APBB1: variants seen among roughly 807,000 people sequenced by gnomAD.
The protein encoded by APBB1 is adaptor protein FE65a2.
Under a neutral mutation model 78.4 loss-of-function variants are expected in APBB1, and 22 were observed. The ratio of observed to expected loss-of-function variants is 0.28; its 90% CI spans 0.20 to 0.40. APBB1 has a LOEUF of 0.40. Ranked by LOEUF, APBB1 falls within the 10% of genes least tolerant of loss-of-function variation. APBB1 has a pLI of 1.00. For synonymous variants in APBB1, 369 were observed against 372.7 expected (o/e 0.99, Z 0.12); for missense variants, 749 against 932.4 (o/e 0.80, Z 2.56).
At chr11:6,407,865 C>G (rs1184610382) in intron 2 of APBB1, among the ~76,000 whole-genome samples, 1 of 151,292 alleles carries the variant, frequency 6.6e-6, no homozygotes, top group Admixed American at 6.6e-5. Context: ...CTGCAAGCTC[C>G]GCTTCCCGGG....
rs553366682 is a variant in APBB1, at chr11:6,395,615, A to G, written c.2052T>C (p.Arg684=). The G allele has an allele frequency of 1.0e-5, 16 of 1,597,966 alleles. No individual in the cohort carries two copies. The highest frequency in any genetic ancestry group is 6.7e-5 in the South Asian group (6 of 89,042). The change falls in exon 15 of 15, where the codon CGT becomes CGC. Residue 684 remains arginine (R), a synonymous_variant. Coordinates refer to ENST00000609360, the MANE Select transcript of APBB1 (RefSeq NM_001164.5). This position sits in a 1 kb window ranked among gnomAD's most constrained non-coding sequence, Gnocchi z 5.2. ...CACCCCTGCGGACAGTCCACCCTAC[A>G]CGCCGTGCCACAGACTCAGCAGGGG... The part of the protein sequence containing the change: ...PAPPAESVAR[R]VGWTVRRGVQ...
At chr11:6,409,028 T>G (rs1020392131) in intron 2 of APBB1, among the ~76,000 whole-genome samples, 4 of 148,692 alleles carry the variant, frequency 2.7e-5, no homozygotes, top group Admixed American at 6.7e-5. Context: ...TTGTGGTGGG[T>G]TTTTTTTTTA....
chr11:6,412,286 G>A (rs1286521373), intron 1 of APBB1, among the ~76,000 whole-genome samples: 2 of 152,202 alleles, frequency 1.3e-5, no homozygotes, highest in Admixed American at 6.5e-5. Context: ...CTGAGTAGCT[G>A]TGATTACAGG....
chr11:6,416,144 G>A (rs763570651), intron 1 of APBB1, among the ~76,000 whole-genome samples: 35 of 152,200 alleles, frequency 2.3e-4, no homozygotes, highest in Middle Eastern at 3.4e-3. Flanking sequence ...ATCTGACCCC[G>A]TGAATCTCTC....
intron 7 of APBB1, 142 bp from the exon 8 acceptor site, chr11:6,402,351 T>A: frequency 8.0e-7 from 1 of 1,254,912 alleles, no homozygotes; most frequent in Non-Finnish European, 1.1e-6. Flanking sequence ...GGCCTCACTC[T>A]AGTGGAGGTC....
At chr11:6,413,989 C>CA (rs1256412453) in intron 1 of APBB1, among the ~76,000 whole-genome samples, 1 of 151,998 alleles carries the variant, frequency 6.6e-6, no homozygotes, top group Non-Finnish European at 1.5e-5. Flanking sequence ...AGTAATCTTC[C>CA]AAAAATGGAA....
chr11:6,419,103 G>C (rs1177937611), upstream of APBB1: 2 of 378,818 alleles, frequency 5.3e-6, no homozygotes, highest in Admixed American at 4.5e-5. Context: ...CCGCGGGGCC[G>C]CGCCCCGAGC....
Position 6,411,284 on chromosome 11 carries a change from G to T in APBB1, c.64C>A (p.Leu22Met). ...INANSHGGPA[L>M]SLPLPLHAAH... ...GCGTGCAGAGGCAGGGGTAGGCTCAGTGCGGGGCCTCCGTGGCTGTTGGCA... is the reference window on the plus strand; with the variant it reads ...GCGTGCAGAGGCAGGGGTAGGCTCATTGCGGGGCCTCCGTGGCTGTTGGCA... Residue 22 changes from leucine (L) to methionine (M), a missense_variant, in exon 2 of 15, where the codon CTG becomes ATG. This residue lies in a region of APBB1 where 635 missense variants were observed against 765.0 expected (regional missense o/e 0.83). Transcript: ENST00000609360. The surrounding 1 kb of genome is among the most constrained non-coding windows in gnomAD (Gnocchi z 5.2). 1.3e-6 allele frequency: 2 copies of T among 1,582,670 alleles called. No homozygotes were observed. Among genetic ancestry groups the T allele is most frequent in the Non-Finnish European group, 1.7e-6 (2 of 1,165,700 alleles).
At chr11:6,402,517 C>G (rs1254999505) in intron 7 of APBB1, 59 bp downstream of exon 7, 2 of 1,564,388 alleles carry the variant, frequency 1.3e-6, no homozygotes, top group Non-Finnish European at 1.8e-6. Context: ...CCTCCCATCT[C>G]TCATAATTCC....
intron 12 of APBB1, among the ~76,000 whole-genome samples, chr11:6,397,663 G>C (rs974660812): frequency 6.6e-6 from 1 of 152,184 alleles, no homozygotes; most frequent in Admixed American, 6.5e-5. Flanking sequence ...TGCAGGGCAG[G>C]GAGAGGACAA....
At chr11:6,404,699 T>C (rs938334909) in intron 2 of APBB1, 4 of 1,535,888 alleles carry the variant, frequency 2.6e-6, no homozygotes, top group Non-Finnish European at 3.5e-6. Flanking sequence ...CTTCTCTCCC[T>C]GTCAGCCCCA....
In APBB1 at chr11:6,398,532, A is replaced by G. The variant is rs11040886; in HGVS notation, c.1673-2317T>C. On this transcript the variant is annotated intron_variant, in intron 12 of 14. Coordinates refer to ENST00000609360, the MANE Select transcript of APBB1 (RefSeq NM_001164.5). Reference sequence around the variant, plus strand: ...TGTCCAAGCGGAGCAGTCAAGGGTCACAGGCAGTTGATCTGGCATAGGGAG... The same window carrying G: ...TGTCCAAGCGGAGCAGTCAAGGGTCGCAGGCAGTTGATCTGGCATAGGGAG... 3.8e-3 allele frequency among the ~76,000 whole-genome samples: 576 copies of G among 152,364 alleles called. 29 individuals carry two copies. The East Asian group carries it at 0.1, about 27-fold the overall frequency.
chr11:6,401,729 C>T lies in APBB1; in HGVS notation c.1389-41G>A, dbSNP rs1049970047. 1.0e-5 allele frequency: 16 copies of T among 1,606,454 alleles called. No individual in the cohort carries two copies. The highest frequency in any genetic ancestry group is 1.3e-5 in the Non-Finnish European group (15 of 1,173,512). ...CACCTCAGTGTCTCCCAGTACCATC[C>T]AGTGCTGAGCCTGGTCCCCACCCCA... On this transcript the variant is annotated intron_variant, in intron 9 of 14. Transcript: ENST00000609360. The surrounding 1 kb of genome is among the most constrained non-coding windows in gnomAD (Gnocchi z 4.5).
chr11:6,405,815 G>C (rs1465988353), intron 2 of APBB1, among the ~76,000 whole-genome samples: 2 of 152,180 alleles, frequency 1.3e-5, no homozygotes, highest in African/African-American at 4.8e-5. Context: ...GAGGCTCAGG[G>C]AATACCTGCT....
intron 1 of APBB1, among the ~76,000 whole-genome samples, chr11:6,412,995 C>T (rs765365981): frequency 3.3e-5 from 5 of 152,192 alleles, no homozygotes; most frequent in Middle Eastern, 3.4e-3. Context: ...CCTTCCAGCC[C>T]GCCACCCAGG....
At position 6,401,286 on chromosome 11, in the gene APBB1, T is replaced by C. The variant is rs761919071; in HGVS notation, c.1588+59A>G. On this transcript the variant is annotated intron_variant, in intron 11 of 14. Coordinates refer to ENST00000609360, the MANE Select transcript of APBB1 (RefSeq NM_001164.5). This position sits in a 1 kb window ranked among gnomAD's most constrained non-coding sequence, Gnocchi z 4.5. ...CTGTCCAGGAGCTCATGCCTTTCCTTGGGTCACCCACCTTTGCCAACAAAG... is the reference window on the plus strand; with the variant it reads ...CTGTCCAGGAGCTCATGCCTTTCCTCGGGTCACCCACCTTTGCCAACAAAG... 6.2e-7 allele frequency: 1 copy of C among 1,613,780 alleles called. No individual in the cohort carries two copies. The highest frequency in any genetic ancestry group is 1.3e-5 in the African/African-American group (1 of 74,892).
Position 6,402,678 on chromosome 11 carries a change from C to A in APBB1, c.1152G>T (p.Glu384Asp). The change falls in exon 7 of 15, where the codon GAG becomes GAT. Residue 384 changes from glutamate to aspartate, a missense_variant. Physicochemically the swap from Glu to Asp is conservative, Grantham distance 45 (BLOSUM62 2). Coordinates refer to ENST00000609360, the MANE Select transcript of APBB1 (RefSeq NM_001164.5). The stretch of plus-strand genomic sequence containing the variant: ...CCACACTGCTGCGTCCAGGGGCCAG[C>A]TCCTCCTCGGTCATCTCTACCCAGC... ...SLGWVEMTEE[E>D]LAPGRSSVAV... 6.2e-7 allele frequency: 1 copy of A among 1,614,192 alleles called. No homozygotes were observed. Among genetic ancestry groups the A allele is most frequent in the Non-Finnish European group, 8.5e-7 (1 of 1,180,016 alleles).
rs187316137 is a variant in APBB1 at position 6,403,041 on chromosome 11, A to G, written c.1104+104T>C. 2 of 1,140,348 alleles carry G rather than the reference A, an allele frequency of 1.8e-6. No homozygotes were observed. Among genetic ancestry groups the G allele is most frequent in the African/African-American group, 3.1e-5 (2 of 64,228 alleles). The allele number at this position is 1,140,348 out of a possible 1,614,324, so 70.6% of individuals were successfully genotyped here. A position where few individuals can be genotyped will look rare whatever the true frequency, so the allele number is the denominator to read the frequency against. On this transcript the variant is annotated intron_variant, in intron 6 of 14. Coordinates refer to ENST00000609360, the MANE Select transcript of APBB1 (RefSeq NM_001164.5). This position sits in a 1 kb window ranked among gnomAD's most constrained non-coding sequence, Gnocchi z 5.3. ...CTGAGACTGGAAGAACTCCTAACTC[A>G]GGACCTGGGGAACTGCGCTGAGACC...
At chr11:6,399,521 G>T (rs1848389761) in intron 12 of APBB1, among the ~76,000 whole-genome samples, 1 of 152,154 alleles carries the variant, frequency 6.6e-6, no homozygotes, top group African/African-American at 2.4e-5. Context: ...CGTCTAAACA[G>T]CTCTTGAATC....
Sources: allele counts gnomAD v4.1 joint callset (sites outside exome capture counted in the v4.1 genomes callset), GRCh38; gene constraint gnomAD v4.1.1; regional missense constraint gnomAD v4.1.1; non-coding constraint Gnocchi (gnomAD v3.1); transcripts MANE v1.5; gene names NCBI Gene and HGNC (gene_info 2026-07-23, HGNC 2026-07-21).